Variants in ST3GAL3 observed in about 807,000 individuals in gnomAD.
ST3GAL3 encodes the protein CMP-N-acetylneuraminate-beta-1,4-galactoside alpha-2,3-sialyltransferase.
ST3GAL3 carries 21 observed loss-of-function variants against 50.1 expected under a neutral mutation model. The ratio of observed to expected loss-of-function variants is 0.42; its 90% CI spans 0.30 to 0.60. The LOEUF is 0.60. Ranked by LOEUF, ST3GAL3 falls within the 20% of genes least tolerant of loss-of-function variation. The probability of loss-of-function intolerance (pLI) is 0.19; values close to 1 mark genes in which losing one functional copy is unlikely to be tolerated. For missense variants in ST3GAL3, 353 were observed against 489.4 expected (o/e 0.72, Z 2.63); for synonymous variants, 183 against 190.0 (o/e 0.96, Z 0.30).
chr1:43,794,490 A>G (rs1465411362), intron 3 of ST3GAL3, among the ~76,000 whole-genome samples: 1 of 152,250 alleles, frequency 6.6e-6, no homozygotes, highest in African/African-American at 2.4e-5. Flanking sequence ...CCACTGTGGA[A>G]TAAACTGTGG....
chr1:43,828,735 A>G (rs1474752091), intron 4 of ST3GAL3, among the ~76,000 whole-genome samples: 1 of 152,204 alleles, frequency 6.6e-6, no homozygotes, highest in Non-Finnish European at 1.5e-5. Context: ...TGACTAAAAA[A>G]AAACCAAAAA....
intron 9 of ST3GAL3, chr1:43,919,994 G>C (rs765450910): frequency 9.5e-5 from 33 of 348,744 alleles, no homozygotes; most frequent in Admixed American, 6.5e-4. Flanking sequence ...TGGGAGCACA[G>C]GAGGGCAGAC....
chr1:43,756,930 G>A (rs1345612707), intron 2 of ST3GAL3, among the ~76,000 whole-genome samples: 4 of 151,876 alleles, frequency 2.6e-5, no homozygotes, highest in South Asian at 2.1e-4. Flanking sequence ...TTTGAGGCAG[G>A]GTCTCGCTCT....
At chr1:43,805,589 G>A (rs1479481064) in intron 3 of ST3GAL3, among the ~76,000 whole-genome samples, 8 of 152,208 alleles carry the variant, frequency 5.3e-5, no homozygotes, top group African/African-American at 1.9e-4. Context: ...CACCTGTGAG[G>A]AAAAGAAGAG....
intron 2 of ST3GAL3, among the ~76,000 whole-genome samples, chr1:43,746,770 G>GTT (rs557142223): frequency 4.3e-5 from 4 of 93,726 alleles, no homozygotes; most frequent in South Asian, 3.6e-4. Flanking sequence ...CCTAGTTTTT[G>GTT]TTTTTTTTTT....
intron 4 of ST3GAL3, among the ~76,000 whole-genome samples, chr1:43,835,405 G>A (rs1193860040): frequency 2.0e-5 from 3 of 152,088 alleles, no homozygotes; most frequent in African/African-American, 7.2e-5. Flanking sequence ...TTTTAATTTG[G>A]TAATAACTTG....
In ST3GAL3 at chr1:43,899,377, A is replaced by G. The variant is rs2077892419; in HGVS notation, c.557+114A>G. On this transcript the variant is annotated intron_variant, in intron 8 of 11. Coordinates refer to ENST00000347631, the MANE Select transcript of ST3GAL3 (RefSeq NM_006279.5). The surrounding 1 kb of genome is among the most constrained non-coding windows in gnomAD (Gnocchi z 5.4). ...GGGCTGGAGGTCAACGGAAGCCTCA[A>G]GAACTCTGGGTTGGAGGGCTTTGGA... The G allele has an allele frequency of 1.3e-6, 2 of 1,598,132 alleles. No individual in the cohort carries two copies. The highest frequency in any genetic ancestry group is 1.3e-5 in the African/African-American group (1 of 74,590).
At chr1:43,731,578 T>A (rs924882983) in intron 1 of ST3GAL3, among the ~76,000 whole-genome samples, 5 of 125,416 alleles carry the variant, frequency 4.0e-5, no homozygotes, top group African/African-American at 5.8e-5. Flanking sequence ...TTTTTTTTTT[T>A]AGTAGAGATG....
chr1:43,885,635 C>T (rs1319103651), intron 5 of ST3GAL3, among the ~76,000 whole-genome samples: 1 of 152,216 alleles, frequency 6.6e-6, no homozygotes, highest in Non-Finnish European at 1.5e-5. Context: ...GACGGAAGCC[C>T]CTGGATTCTG....
rs112927926 is a variant in ST3GAL3 at position 43,922,169 on chromosome 1, C to T, written c.1038+1241C>T. On this transcript the variant is annotated intron_variant, in intron 11 of 11. Transcript: ENST00000347631. ...TTGCTTGAGCCCAGGAGTTTGAGAG[C>T]AGCCTGGGCAACATGGTGAAACCCC... 689 of 155,394 alleles carry T rather than the reference C, an allele frequency of 4.4e-3. 4 individuals carry two copies. The highest frequency in any genetic ancestry group is 4.7e-3 in the Non-Finnish European group (331 of 70,188). The allele number at this position is 155,394 out of a possible 1,614,324, so 9.6% of individuals were successfully genotyped here.
intron 5 of ST3GAL3, among the ~76,000 whole-genome samples, chr1:43,853,443 A>G (rs552267137): frequency 1.3e-5 from 2 of 152,326 alleles, no homozygotes; most frequent in East Asian, 3.9e-4. Context: ...AGGCATAGAG[A>G]AGTCAAGCAG....
chr1:43,746,558 G>A (rs1432294573), intron 2 of ST3GAL3, among the ~76,000 whole-genome samples: 7 of 151,168 alleles, frequency 4.6e-5, no homozygotes. Flanking sequence ...CGCCTCCTGG[G>A]TTCATGCCAT....
chr1:43,725,635 A>G (rs142386241), intron 1 of ST3GAL3, among the ~76,000 whole-genome samples: 142 of 152,018 alleles, frequency 9.3e-4, no homozygotes, highest in South Asian at 2.1e-3. Context: ...TGATACTCTT[A>G]TTAAATTTAA....
intron 4 of ST3GAL3, among the ~76,000 whole-genome samples, chr1:43,829,013 A>G (rs970063502): frequency 1.3e-5 from 2 of 152,190 alleles, no homozygotes; most frequent in East Asian, 3.8e-4. Context: ...AAGCATCAAG[A>G]TGTCCTTTAG....
chr1:43,821,305 A>G (rs2062059010), intron 4 of ST3GAL3, among the ~76,000 whole-genome samples: 1 of 152,164 alleles, frequency 6.6e-6, no homozygotes, highest in African/African-American at 2.4e-5. Flanking sequence ...GGAAGCATTA[A>G]TGGAGTACAA....
intron 6 of ST3GAL3, among the ~76,000 whole-genome samples, chr1:43,896,260 G>C (rs2154268463): frequency 6.6e-6 from 1 of 152,204 alleles, no homozygotes; most frequent in South Asian, 2.1e-4. Flanking sequence ...AAATCCAAGG[G>C]ATACTTCTCA....
At chr1:43,827,371 G>A (rs1311424319) in intron 4 of ST3GAL3, among the ~76,000 whole-genome samples, 1 of 152,204 alleles carries the variant, frequency 6.6e-6, no homozygotes, top group Non-Finnish European at 1.5e-5. Flanking sequence ...GGATAAATCT[G>A]ATAAAATATG....
intron 5 of ST3GAL3, 99 bp downstream of exon 5, chr1:43,838,410 C>T: frequency 1.8e-6 from 2 of 1,130,646 alleles, no homozygotes; most frequent in Non-Finnish European, 2.7e-6. Flanking sequence ...CTCCTATGCT[C>T]TGGAAACCAT....
At chr1:43,769,629 A>G (rs1694330094) in intron 2 of ST3GAL3, among the ~76,000 whole-genome samples, 1 of 152,092 alleles carries the variant, frequency 6.6e-6, no homozygotes, top group Non-Finnish European at 1.5e-5. Flanking sequence ...TTCAGTTCCT[A>G]CCCCGTGAAG....
Sources: allele counts gnomAD v4.1 joint callset (sites outside exome capture counted in the v4.1 genomes callset), GRCh38; gene constraint gnomAD v4.1.1; non-coding constraint Gnocchi (gnomAD v3.1); transcripts MANE v1.5; gene names NCBI Gene and HGNC (gene_info 2026-07-23, HGNC 2026-07-21).